The following APBB1IP variants were observed in gnomAD, a reference collection of about 807,000 sequenced individuals.
APBB1IP encodes the protein amyloid beta precursor protein binding family B member 1 interacting protein, also known as amyloid beta A4 precursor protein-binding family B member 1-interacting protein.
A neutral mutation model predicts 64.9 loss-of-function variants in APBB1IP; 27 were observed. The ratio of observed to expected loss-of-function variants is 0.42; its 90% CI spans 0.31 to 0.57. The LOEUF (loss-of-function observed/expected upper bound fraction) is 0.57, where lower values mean the gene tolerates loss of function less well. Ranked by LOEUF, APBB1IP falls within the 20% of genes least tolerant of loss-of-function variation. APBB1IP has a pLI of 0.20. For synonymous variants in APBB1IP, 392 were observed against 331.0 expected, an observed-to-expected ratio of 1.18 and a Z score of -2.00; for missense variants, 812 against 845.5, an observed-to-expected ratio of 0.96 and a Z score of 0.49.
At chr10:26,459,135 T>C (rs2132405232) in intron 2 of APBB1IP, among the ~76,000 whole-genome samples, 1 of 129,374 alleles carries the variant, frequency 7.7e-6, no homozygotes, top group East Asian at 2.4e-4. Flanking sequence ...TTCCCCTTCC[T>C]GTGTCCATGT....
At chr10:26,448,150 A>AT (rs1564347308) in intron 2 of APBB1IP, among the ~76,000 whole-genome samples, 35 of 3,734 alleles carry the variant, frequency 9.4e-3, no homozygotes, top group African/African-American at 0.011. Context: ...TAAAAATAAT[A>AT]TATTAATTTT....
At chr10:26,511,725 T>C in intron 6 of APBB1IP, 22 bp from the exon 7 acceptor site, 1 of 1,607,758 alleles carries the variant, frequency 6.2e-7, no homozygotes, top group Non-Finnish European at 8.5e-7. Context: ...ATTTACTGGC[T>C]GCCCCATGGT....
At chr10:26,505,737 A>G (rs1231479080) in intron 6 of APBB1IP, among the ~76,000 whole-genome samples, 1 of 151,264 alleles carries the variant, frequency 6.6e-6, no homozygotes, top group African/African-American at 2.5e-5. Context: ...CTACCTATCT[A>G]CCTGCGTGCA....
intron 11 of APBB1IP, among the ~76,000 whole-genome samples, chr10:26,547,758 A>G (rs755231789): frequency 1.1e-4 from 17 of 152,032 alleles, no homozygotes; most frequent in Non-Finnish European, 2.4e-4. Context: ...TTTGGGTCAT[A>G]TATTAACTAA....
At chr10:26,486,592 G>A (rs961353390) in intron 2 of APBB1IP, among the ~76,000 whole-genome samples, 2 of 152,202 alleles carry the variant, frequency 1.3e-5, no homozygotes, top group Non-Finnish European at 2.9e-5. Context: ...TACTCTGACC[G>A]ATGCAATAAA....
intron 2 of APBB1IP, among the ~76,000 whole-genome samples, chr10:26,455,006 T>C (rs547397869): frequency 4.9e-4 from 74 of 152,288 alleles, no homozygotes; most frequent in African/African-American, 1.7e-3. Context: ...GAGGGAACAA[T>C]TTCATTTTTG....
chr10:26,440,164 A>T (rs12253528), intron 2 of APBB1IP, among the ~76,000 whole-genome samples: 4,697 of 152,162 alleles, frequency 0.031, 234 homozygotes, highest in African/African-American at 0.11. Context: ...CACTTGGGAG[A>T]CCTGGGTTCT....
intron 2 of APBB1IP, among the ~76,000 whole-genome samples, chr10:26,481,130 A>C (rs1198592226): frequency 6.6e-6 from 1 of 152,168 alleles, no homozygotes; most frequent in East Asian, 1.9e-4. Flanking sequence ...ACCCGTGGGC[A>C]TCCAAGTGAA....
At chr10:26,523,605 G>T (rs1431498047) in intron 8 of APBB1IP, among the ~76,000 whole-genome samples, 1 of 152,044 alleles carries the variant, frequency 6.6e-6, no homozygotes, top group Non-Finnish European at 1.5e-5. Flanking sequence ...GTGACAATTT[G>T]CACAGCATGC....
rs553180694 is a variant in APBB1IP, at chr10:26,502,636, C to T, written c.454-561C>T. On this transcript the variant is annotated intron_variant, in intron 5 of 14. Coordinates refer to ENST00000376236, the MANE Select transcript of APBB1IP (RefSeq NM_019043.4). ...CAGCCTGGGCAACAGAGTGAGACTC[C>T]ATCTCAAAAAAAAAAAAAAAATCAG... 3.8e-3 allele frequency among the ~76,000 whole-genome samples: 562 copies of T among 146,282 alleles called. 5 individuals carry two copies. Among genetic ancestry groups the T allele is most frequent in the African/African-American group, 0.013 (503 of 38,540 alleles).
At chr10:26,564,003 C>G (rs1837006989) in intron 14 of APBB1IP, among the ~76,000 whole-genome samples, 1 of 129,348 alleles carries the variant, frequency 7.7e-6, no homozygotes, top group African/African-American at 2.5e-5. Context: ...TATGTGAACA[C>G]CAATTCCCAA....
chr10:26,511,966 T>C, intron 7 of APBB1IP, 60 bp downstream of exon 7: 3 of 1,556,600 alleles, frequency 1.9e-6, no homozygotes, highest in East Asian at 2.3e-5. Flanking sequence ...TGCTGTATAA[T>C]GGGCTTGGGT....
chr10:26,567,284 CCCG>C lies in APBB1IP; in HGVS notation c.1815_1817del (p.Pro606del). 3.5e-3 allele frequency: 3,789 copies of C among 1,086,962 alleles called. 56 individuals carry two copies. The African/African-American group carries it at 0.043, about 12-fold the overall frequency. The allele number at this position is 1,086,962 out of a possible 1,614,324, so 67.3% of individuals were successfully genotyped here. A position where few individuals can be genotyped will look rare whatever the true frequency, so the allele number is the denominator to read the frequency against. On this transcript the variant is annotated inframe_deletion, in exon 15 of 15. Transcript: ENST00000376236. ...CAGGGATCGCGGGCTCAGAGCTGCC[CCCG>C]CCGCCGCCGCCGCCGCCCGCGCCCG...
chr10:26,517,275 T>C (rs548832450), intron 8 of APBB1IP, among the ~76,000 whole-genome samples: 1 of 152,268 alleles, frequency 6.6e-6, no homozygotes, highest in South Asian at 2.1e-4. Flanking sequence ...ACCCATGTAA[T>C]TACCACCCAC....
intron 2 of APBB1IP, among the ~76,000 whole-genome samples, chr10:26,467,696 T>A (rs1232806969): frequency 6.6e-6 from 1 of 152,162 alleles, no homozygotes; most frequent in Admixed American, 6.5e-5. Context: ...ACTCTGTCTC[T>A]AGCAATAATA....
chr10:26,443,387 G>C (rs1436908233), intron 2 of APBB1IP, among the ~76,000 whole-genome samples: 1 of 148,912 alleles, frequency 6.7e-6, no homozygotes, highest in African/African-American at 2.5e-5. Context: ...TCATGCCATT[G>C]CACTCCAGCT....
At chr10:26,505,556 G>T (rs1263003437) in intron 6 of APBB1IP, among the ~76,000 whole-genome samples, 1 of 151,922 alleles carries the variant, frequency 6.6e-6, no homozygotes, top group Non-Finnish European at 1.5e-5. Flanking sequence ...TGTTGCCCAG[G>T]TTGGTCTCAA....
chr10:26,501,751 T>C (rs1312415889), intron 5 of APBB1IP: 2 of 152,574 alleles, frequency 1.3e-5, no homozygotes, highest in Non-Finnish European at 2.9e-5. Flanking sequence ...AGGATTTTCT[T>C]TTTAGAGTAA....
At chr10:26,452,815 C>T (rs1589190485) in intron 2 of APBB1IP, among the ~76,000 whole-genome samples, 1 of 152,092 alleles carries the variant, frequency 6.6e-6, no homozygotes, top group Non-Finnish European at 1.5e-5. Flanking sequence ...TTCAACCCTC[C>T]ATATTTTGTA....
Sources: gnomAD v4.1 joint callset for allele counts (sites outside exome capture counted in the v4.1 genomes callset) on GRCh38, gnomAD v4.1.1 for gene constraint, MANE v1.5 for transcripts, NCBI Gene and HGNC (gene_info 2026-07-23, HGNC 2026-07-21) for gene names.